The following HYCC1 variants were observed in gnomAD, a reference collection of about 807,000 sequenced individuals.
HYCC1 encodes hyccin.
At chr7:22,958,829 AAT>A in the HYCC1 span, among the ~76,000 whole-genome samples, 4 of 152,108 alleles carry the variant, frequency 2.6e-5, no homozygotes, top group Admixed American at 6.6e-5. Context: ...CCAAATTCCC[AAT>A]ATGTCTACCT....
At chr7:22,960,256 C>T in the HYCC1 span, 2 of 1,613,150 alleles carry the variant, frequency 1.2e-6, no homozygotes, top group African/African-American at 1.3e-5. Flanking sequence ...TATTTCTTAC[C>T]ATGTCTTTTC....
chr7:22,947,262 G>C, the HYCC1 span: 2 of 1,544,170 alleles, frequency 1.3e-6, no homozygotes, highest in Non-Finnish European at 1.8e-6. Flanking sequence ...AATTGAAGAT[G>C]ATAAGACAAA....
the HYCC1 span, chr7:22,983,883 T>C: frequency 3.0e-6 from 3 of 987,376 alleles, no homozygotes; most frequent in African/African-American, 3.2e-5. Flanking sequence ...TATTTCACAA[T>C]AAAAAATTAA....
chr7:22,953,509 C>T, the HYCC1 span, among the ~76,000 whole-genome samples: 140 of 151,916 alleles, frequency 9.2e-4, no homozygotes, highest in African/African-American at 3.1e-3. Context: ...TTCATTTTAC[C>T]TGGAAATAAA....
the HYCC1 span, among the ~76,000 whole-genome samples, chr7:22,980,930 C>CT: frequency 6.6e-6 from 1 of 152,182 alleles, no homozygotes; most frequent in East Asian, 1.9e-4. Context: ...TAAACTGCCT[C>CT]TTTATAAGTT....
chr7:22,917,869 A>C, the HYCC1 span, among the ~76,000 whole-genome samples: 4 of 151,712 alleles, frequency 2.6e-5, no homozygotes, highest in Non-Finnish European at 4.4e-5. Flanking sequence ...TTTCATAGTC[A>C]CTCTTATTCT....
At chr7:22,961,042 A>C in the HYCC1 span, among the ~76,000 whole-genome samples, 143 of 152,256 alleles carry the variant, frequency 9.4e-4, no homozygotes, top group African/African-American at 3.1e-3. Flanking sequence ...CAAGAGCTAA[A>C]CTCCGTCTCA....
At chr7:22,921,533 T>C in the HYCC1 span, among the ~76,000 whole-genome samples, 1 of 151,924 alleles carries the variant, frequency 6.6e-6, no homozygotes, top group African/African-American at 2.4e-5. Flanking sequence ...ATAACAACAA[T>C]AGCACAAAAA....
chr7:22,961,969 T>A, the HYCC1 span, among the ~76,000 whole-genome samples: 25 of 152,210 alleles, frequency 1.6e-4, no homozygotes, highest in Admixed American at 1.4e-3. Flanking sequence ...TATAGTGGCT[T>A]GATCAACTTC....
At chr7:22,996,597 T>TAAAAAAAAAAAAAAAAAAAAAAA in the HYCC1 span, among the ~76,000 whole-genome samples, 1 of 106,554 alleles carries the variant, frequency 9.4e-6, no homozygotes, top group African/African-American at 4.3e-5. Context: ...GTACAATTGT[T>TAAAAAAAAAAAAAAAAAAAAAAA]AAAAAAAAAA....
At chr7:22,999,275 C>T in the HYCC1 span, among the ~76,000 whole-genome samples, 2 of 152,238 alleles carry the variant, frequency 1.3e-5, no homozygotes, top group Non-Finnish European at 2.9e-5. Context: ...GCAGTTATTG[C>T]TGAAATAAAG....
the HYCC1 span, among the ~76,000 whole-genome samples, chr7:22,907,294 C>T: frequency 6.6e-6 from 1 of 151,918 alleles, no homozygotes; most frequent in Non-Finnish European, 1.5e-5. Flanking sequence ...TATTAAGAAA[C>T]AAAGGTAACA....
chr7:22,978,340 C>A, the HYCC1 span: 106 of 1,614,034 alleles, frequency 6.6e-5, 2 homozygotes, highest in African/African-American at 1.3e-3. Context: ...GCTGAGACTG[C>A]AAGGTAGCAC....
chr7:22,945,278 T>C, the HYCC1 span: 1 of 418,240 alleles, frequency 2.4e-6, no homozygotes, highest in Non-Finnish European at 4.4e-6. Flanking sequence ...ACATGAGACA[T>C]AACCAACTTG....
the HYCC1 span, among the ~76,000 whole-genome samples, chr7:22,929,080 A>C: frequency 3.3e-5 from 5 of 152,230 alleles, no homozygotes. Context: ...GACAAAAACA[A>C]GCAATGGGGA....
chr7:22,989,942 T>C, the HYCC1 span, among the ~76,000 whole-genome samples: 6 of 152,214 alleles, frequency 3.9e-5, no homozygotes, highest in South Asian at 4.1e-4. Flanking sequence ...GATGACTTGT[T>C]ATCTAAAATC....
chr7:22,915,357 T>G, the HYCC1 span, among the ~76,000 whole-genome samples: 10 of 152,232 alleles, frequency 6.6e-5, no homozygotes, highest in Admixed American at 2.6e-4. Flanking sequence ...GGTCAGGTAT[T>G]CCTTCGGGAC....
chr7:22,995,957 C>G, the HYCC1 span, among the ~76,000 whole-genome samples: 2 of 151,996 alleles, frequency 1.3e-5, no homozygotes, highest in Admixed American at 1.3e-4. Context: ...CGTGCCTGGC[C>G]CCTGGTAAGT....
At chr7:23,009,576 T>C in the HYCC1 span, among the ~76,000 whole-genome samples, 2 of 152,092 alleles carry the variant, frequency 1.3e-5, no homozygotes, top group Non-Finnish European at 2.9e-5. Context: ...GAGTCAAGGC[T>C]GAGGAACAAG....
Sources: allele counts gnomAD v4.1 joint callset (sites outside exome capture counted in the v4.1 genomes callset), GRCh38; gene constraint gnomAD v4.1.1; transcripts MANE v1.5; gene names NCBI Gene and HGNC (gene_info 2026-07-23, HGNC 2026-07-21).